The following RGS7 variants were observed in gnomAD, a reference collection of about 807,000 sequenced individuals.
The protein encoded by RGS7 is regulator of G-protein signaling 7.
In RGS7, 27 loss-of-function variants were observed where a neutral mutation model predicts 81.1. That is an observed-to-expected ratio of 0.33 (90% CI 0.25 to 0.46). The LOEUF is 0.46. Ranked by LOEUF, RGS7 falls within the 20% of genes least tolerant of loss-of-function variation. The pLI, the probability that RGS7 is intolerant of heterozygous loss-of-function variation, is 1.00. For synonymous variants in RGS7, 208 were observed against 207.7 expected (o/e 1.00, Z -0.01); for missense variants, 396 against 607.4 (o/e 0.65, Z 3.66).
At chr1:240,887,777 T>C (rs1171410110) in intron 6 of RGS7, among the ~76,000 whole-genome samples, 1 of 152,252 alleles carries the variant, frequency 6.6e-6, no homozygotes, top group Non-Finnish European at 1.5e-5. Flanking sequence ...AAGTGTTTAA[T>C]GGATACCTCA....
chr1:241,115,700 G>T lies in RGS7; in HGVS notation c.79-16938C>A, dbSNP rs575645085. ...CATTCTTTATCCCACTTCTTGAAAG[G>T]CCATCCTTGTCTTTCTAGTTGATGT... is the stretch of plus-strand genomic sequence containing the variant. On this transcript the variant is annotated intron_variant, in intron 2 of 18. Coordinates refer to ENST00000440928, the MANE Select transcript of RGS7 (RefSeq NM_001364886.1). 1.2e-3 allele frequency among the ~76,000 whole-genome samples: 189 copies of T among 152,262 alleles called. 1 individual carries two copies. The highest frequency in any genetic ancestry group is 4.4e-3 in the African/African-American group (182 of 41,550).
chr1:241,193,630 G>A (rs958000182), intron 2 of RGS7, among the ~76,000 whole-genome samples: 18 of 152,132 alleles, frequency 1.2e-4, no homozygotes, highest in African/African-American at 3.4e-4. Context: ...ATGCTTCTCC[G>A]GAAGGATCTA....
chr1:241,122,837 T>G (rs566629104), intron 2 of RGS7, among the ~76,000 whole-genome samples: 62 of 152,308 alleles, frequency 4.1e-4, no homozygotes, highest in African/African-American at 1.5e-3. Context: ...TTGACTCCTA[T>G]GCTGAAAGTG....
intron 18 of RGS7, among the ~76,000 whole-genome samples, chr1:240,777,308 G>A (rs927423765): frequency 1.3e-5 from 2 of 151,846 alleles, no homozygotes; most frequent in Admixed American, 6.6e-5. Flanking sequence ...AATTTGAAAC[G>A]TTTGATCGGA....
intron 2 of RGS7, among the ~76,000 whole-genome samples, chr1:241,150,700 T>C (rs187523343): frequency 1.3e-5 from 2 of 152,276 alleles, no homozygotes; most frequent in East Asian, 3.9e-4. Flanking sequence ...AATACAGATA[T>C]AGATGTAGAT....
At chr1:241,067,611 C>T (rs1462734201) in intron 3 of RGS7, among the ~76,000 whole-genome samples, 1 of 151,944 alleles carries the variant, frequency 6.6e-6, no homozygotes, top group Non-Finnish European at 1.5e-5. Context: ...CCTCTGCCTC[C>T]CGTGTTCCAG....
intron 15 of RGS7, among the ~76,000 whole-genome samples, chr1:240,803,499 T>C (rs1688331247): frequency 6.6e-6 from 1 of 152,068 alleles, no homozygotes; most frequent in African/African-American, 2.4e-5. Context: ...CCACTTTGGG[T>C]CAGAGCACAA....
chr1:241,079,618 T>C (rs1308521692), intron 3 of RGS7, among the ~76,000 whole-genome samples: 3 of 152,116 alleles, frequency 2.0e-5, no homozygotes, highest in Admixed American at 6.6e-5. Flanking sequence ...CTTCTACTTA[T>C]GATTAAACAG....
rs188450831 is a variant in RGS7, at chr1:241,086,639, A to G, written c.175+12027T>C. 6.3e-3 allele frequency among the ~76,000 whole-genome samples: 922 copies of G among 145,336 alleles called. 14 individuals are homozygous for G. The highest frequency in any genetic ancestry group is 6.3e-3 in the Non-Finnish European group (418 of 66,188). On this transcript the variant is annotated intron_variant, in intron 3 of 18. Coordinates refer to ENST00000440928, the MANE Select transcript of RGS7 (RefSeq NM_001364886.1). ...CCCCCACCCAGAGGAATATGTTTGGAAAAAAAAAAAGAAAAACAAATACTG... is the reference window on the plus strand; with the variant it reads ...CCCCCACCCAGAGGAATATGTTTGGGAAAAAAAAAAGAAAAACAAATACTG...
At chr1:241,315,060 T>C (rs2080781484) in intron 2 of RGS7, among the ~76,000 whole-genome samples, 1 of 151,438 alleles carries the variant, frequency 6.6e-6, no homozygotes, top group African/African-American at 2.4e-5. Flanking sequence ...TCAAGGTGTT[T>C]TATTCAAACA....
chr1:241,335,708 C>T (rs1286693068), intron 2 of RGS7, among the ~76,000 whole-genome samples: 1 of 151,926 alleles, frequency 6.6e-6, no homozygotes, highest in East Asian at 1.9e-4. Context: ...CACACACACA[C>T]GCAGAGTGAT....
At chr1:241,350,384 C>T (rs2083161697) in intron 2 of RGS7, among the ~76,000 whole-genome samples, 1 of 152,114 alleles carries the variant, frequency 6.6e-6, no homozygotes, top group African/African-American at 2.4e-5. Context: ...AAAGACACTC[C>T]ATTTAAAAAT....
chr1:241,024,836 A>C (rs2148707496), intron 3 of RGS7, among the ~76,000 whole-genome samples: 1 of 151,432 alleles, frequency 6.6e-6, no homozygotes, highest in South Asian at 2.1e-4. Context: ...AGATTAGAAA[A>C]GCAGATGTGA....
At chr1:241,105,920 C>A (rs1451258741) in intron 2 of RGS7, among the ~76,000 whole-genome samples, 1 of 152,142 alleles carries the variant, frequency 6.6e-6, no homozygotes, top group Non-Finnish European at 1.5e-5. Flanking sequence ...TTTCTATGTG[C>A]ACATACTTTC....
rs1240469603 is a variant in RGS7, at chr1:241,263,602, G to A, written c.78+92097C>T. Reference sequence around the variant, plus strand: ...TGCCTGGCATATGCAAAGTACTAAGGTTATAGCAGATAATAAATGATAAAT... The same window carrying A: ...TGCCTGGCATATGCAAAGTACTAAGATTATAGCAGATAATAAATGATAAAT... On this transcript the variant is annotated intron_variant, in intron 2 of 18. Coordinates refer to ENST00000440928, the MANE Select transcript of RGS7 (RefSeq NM_001364886.1). Among the ~76,000 whole-genome samples, 4 of 152,236 alleles carry A rather than the reference G, an allele frequency of 2.6e-5. No homozygotes were observed. In the East Asian group the frequency reaches 7.7e-4, roughly 29 times the overall value.
intron 3 of RGS7, among the ~76,000 whole-genome samples, chr1:241,076,887 CT>C (rs1299585029): frequency 1.3e-5 from 2 of 152,128 alleles, no homozygotes; most frequent in African/African-American, 2.4e-5. Context: ...CATTTTTGTT[CT>C]CATGGTAAAA....
chr1:241,296,733 T>C (rs2079447691), intron 2 of RGS7, among the ~76,000 whole-genome samples: 1 of 152,228 alleles, frequency 6.6e-6, no homozygotes, highest in African/African-American at 2.4e-5. Context: ...AGTTGTTCTT[T>C]CAGACACTGC....
At chr1:240,928,311 T>C (rs185129838) in intron 6 of RGS7, among the ~76,000 whole-genome samples, 47 of 152,346 alleles carry the variant, frequency 3.1e-4, no homozygotes, top group African/African-American at 1.1e-3. Flanking sequence ...CTCTGTTCTT[T>C]GGTTTCTTGG....
chr1:240,881,776 T>A (rs1666430010), intron 6 of RGS7, among the ~76,000 whole-genome samples: 1 of 152,174 alleles, frequency 6.6e-6, no homozygotes, highest in South Asian at 2.1e-4. Flanking sequence ...TATTTAATTT[T>A]CTGATACATA....
Sources: allele counts gnomAD v4.1 joint callset (sites outside exome capture counted in the v4.1 genomes callset), GRCh38; gene constraint gnomAD v4.1.1; transcripts MANE v1.5; gene names NCBI Gene and HGNC (gene_info 2026-07-23, HGNC 2026-07-21).